Variants in BOD1L2 observed in about 807,000 individuals in gnomAD.
BOD1L2 encodes biorientation of chromosomes in cell division 1 like 2, also known as biorientation of chromosomes in cell division protein 1-like 2.
BOD1L2 carries 6 observed loss-of-function variants against 5.3 expected under a neutral mutation model. That is an observed-to-expected ratio of 1.14 (90% CI 0.62 to 2.25). The LOEUF is 2.25. Among genes scored for constraint, BOD1L2 ranks in the 30% most tolerant of loss-of-function variants. The pLI is 0.00. For synonymous variants in BOD1L2, 96 were observed against 96.3 expected, an observed-to-expected ratio of 1.00 and a Z score of 0.02; for missense variants, 210 against 227.2, an observed-to-expected ratio of 0.92 and a Z score of 0.49.
At position 57,147,822 on chromosome 18, in the gene BOD1L2, C is replaced by G. The variant is rs774958470; in HGVS notation, c.510C>G (p.Asp170Glu). 19 of 1,607,340 alleles carry G rather than the reference C, an allele frequency of 1.2e-5. No homozygotes were observed. The highest frequency in any genetic ancestry group is 1.5e-5 in the Non-Finnish European group (18 of 1,176,810). Reference protein sequence around the residue: ...EGQDPPAPSQDTS With the variant: ...EGQDPPAPSQETS Reference sequence around the variant, plus strand: ...AGGACCCTCCAGCTCCGTCTCAGGACACTTCCTAAGAATATGCCTGACAGC... The same window carrying G: ...AGGACCCTCCAGCTCCGTCTCAGGAGACTTCCTAAGAATATGCCTGACAGC... Residue 170 changes from aspartate to glutamate, a missense_variant, in exon 1 of 1, where the codon GAC becomes GAG. Asp to Glu is a conservative substitution (Grantham distance 45, BLOSUM62 2). Transcript: ENST00000585477.
At position 57,147,463 on chromosome 18, in the gene BOD1L2, C is replaced by T; in HGVS notation, c.151C>T (p.Leu51Phe). ...CGTGGGGCAGCTCAAGAGCAGGGGC[C>T]TTTTTGACAGCTTCCGCCGGGACTG... ...IIVGQLKSRG[L>F]FDSFRRDCKA... is the part of the protein sequence containing the mutation. Residue 51 changes from leucine to phenylalanine, a missense_variant, in exon 1 of 1, where the codon CTT becomes TTT. Leu to Phe is a conservative substitution (Grantham distance 22). Coordinates refer to ENST00000585477, the MANE Select transcript of BOD1L2 (RefSeq NM_001257964.2). 1 of 1,556,772 alleles carries T rather than the reference C, an allele frequency of 6.4e-7. No individual in the cohort carries two copies. The highest frequency in any genetic ancestry group is 8.7e-7 in the Non-Finnish European group (1 of 1,153,770).
rs1255715064 is a variant in BOD1L2 at position 57,148,541 on chromosome 18, C to T, written c.*710C>T. The T allele has an allele frequency of 6.6e-6, 1 of 152,210 alleles. No homozygotes were observed. Among genetic ancestry groups the T allele is most frequent in the African/African-American group, 2.4e-5 (1 of 41,446 alleles). 9.4% of individuals were successfully genotyped at this position (152,210 alleles called of 1,614,324 possible). A position where few individuals can be genotyped will look rare whatever the true frequency, so the allele number is the denominator to read the frequency against. ...GAGTCTTGGGTGTGTTTATGTTATG[C>T]TCACATTTGTGTTTTATTTGAAAAG... On this transcript the variant is annotated 3_prime_UTR_variant, in exon 1 of 1. Transcript: ENST00000585477.
Position 57,149,771 on chromosome 18 carries a change from A to T in BOD1L2, c.*1940A>T, listed in dbSNP as rs1402356840. The T allele has an allele frequency of 6.6e-6, 1 of 152,208 alleles. No individual in the cohort carries two copies. Among genetic ancestry groups the T allele is most frequent in the African/African-American group, 2.4e-5 (1 of 41,446 alleles). The allele number at this position is 152,208 out of a possible 1,614,324, so 9.4% of individuals were successfully genotyped here. ...TACAAAAACAGCTAAGCTCTTTCTG[A>T]GATTTAAAATCACTCCATCTGAGAC... On this transcript the variant is annotated 3_prime_UTR_variant, in exon 1 of 1. Transcript: ENST00000585477.
At position 57,147,479 on chromosome 18, in the gene BOD1L2, G is replaced by T; in HGVS notation, c.167G>T (p.Arg56Leu). ...AGCAGGGGCCTTTTTGACAGCTTCC[G>T]CCGGGACTGCAAGGCTGACGTGGAC... Reference protein sequence around the residue: ...LKSRGLFDSFRRDCKADVDTK... With the variant: ...LKSRGLFDSFLRDCKADVDTK... The change falls in exon 1 of 1, where the codon CGC (arginine) becomes CTC (leucine). Residue 56 changes from arginine to leucine, a missense_variant. Coordinates refer to ENST00000585477, the MANE Select transcript of BOD1L2 (RefSeq NM_001257964.2). The T allele has an allele frequency of 3.2e-6, 5 of 1,568,992 alleles. No homozygotes were observed. The highest frequency in any genetic ancestry group is 4.3e-6 in the Non-Finnish European group (5 of 1,159,292).
At position 57,149,589 on chromosome 18, in the gene BOD1L2, C is replaced by T. The variant is rs1221006852; in HGVS notation, c.*1758C>T. ...CATGTCCTTTCTGAAAATGTCCCTT[C>T]CTTTCCCAGGTACCAGGCTCTTTTT... On this transcript the variant is annotated 3_prime_UTR_variant, in exon 1 of 1. Coordinates refer to ENST00000585477, the MANE Select transcript of BOD1L2 (RefSeq NM_001257964.2). 6.6e-6 allele frequency: 1 copy of T among 152,198 alleles called. No individual in the cohort carries two copies. Among genetic ancestry groups the T allele is most frequent in the African/African-American group, 2.4e-5 (1 of 41,450 alleles). 9.4% of individuals were successfully genotyped at this position (152,198 alleles called of 1,614,324 possible). A position where few individuals can be genotyped will look rare whatever the true frequency, so the allele number is the denominator to read the frequency against.
rs1208695850 is a variant in BOD1L2, at chr18:57,148,132, A to G, written c.*301A>G. ...GACCCAGGATTGTCCTGAAACAGACATCTATACTTGAACATGGAGACTGCA... is the reference window on the plus strand; with the variant it reads ...GACCCAGGATTGTCCTGAAACAGACGTCTATACTTGAACATGGAGACTGCA... On this transcript the variant is annotated 3_prime_UTR_variant, in exon 1 of 1. Transcript: ENST00000585477. The G allele has an allele frequency of 3.6e-6, 1 of 278,282 alleles. No individual in the cohort carries two copies. Among genetic ancestry groups the G allele is most frequent in the Non-Finnish European group, 6.9e-6 (1 of 145,746 alleles). The allele number at this position is 278,282 out of a possible 1,614,324, so 17.2% of individuals were successfully genotyped here. A position where few individuals can be genotyped will look rare whatever the true frequency, so the allele number is the denominator to read the frequency against.
At position 57,148,963 on chromosome 18, in the gene BOD1L2, G is replaced by A. The variant is rs9956688; in HGVS notation, c.*1132G>A. ...CACACTTACTATAGTAGCTAGGTCTGACGAAGCACTTGCTCTATTGCTCTA... is the reference window on the plus strand; with the variant it reads ...CACACTTACTATAGTAGCTAGGTCTAACGAAGCACTTGCTCTATTGCTCTA... On this transcript the variant is annotated 3_prime_UTR_variant, in exon 1 of 1. Coordinates refer to ENST00000585477, the MANE Select transcript of BOD1L2 (RefSeq NM_001257964.2). 43,095 of 152,182 alleles carry A rather than the reference G, an allele frequency of 0.28. 6,284 individuals are homozygous for A. The highest frequency in any genetic ancestry group is 0.35 in the South Asian group (1,690 of 4,830). 9.4% of individuals were successfully genotyped at this position (152,182 alleles called of 1,614,324 possible).
Position 57,148,475 on chromosome 18 carries a change from ACT to A in BOD1L2, c.*649_*650del, listed in dbSNP as rs16743. The A allele has an allele frequency of 0.21, 31,950 of 152,014 alleles. 3,537 individuals are homozygous for A. The highest frequency in any genetic ancestry group is 0.28 in the South Asian group (1,364 of 4,812). The allele number at this position is 152,014 out of a possible 1,614,324, so 9.4% of individuals were successfully genotyped here. A position where few individuals can be genotyped will look rare whatever the true frequency, so the allele number is the denominator to read the frequency against. On this transcript the variant is annotated 3_prime_UTR_variant, in exon 1 of 1. Transcript: ENST00000585477. ...TAGGTATAAGGAAACTCATTTGCAG[ACT>A]CTCTGTCCAAGAATGCTTCCTGTCT... is the stretch of plus-strand genomic sequence containing the variant.
At position 57,148,009 on chromosome 18, in the gene BOD1L2, A is replaced by G; in HGVS notation, c.*178A>G. On this transcript the variant is annotated 3_prime_UTR_variant, in exon 1 of 1. Coordinates refer to ENST00000585477, the MANE Select transcript of BOD1L2 (RefSeq NM_001257964.2). ...AGGGAAGCAAGTTCGCCAGAGAGAAAGTTGACCGTGGCACCCTCCTGCATT... is the reference window on the plus strand; with the variant it reads ...AGGGAAGCAAGTTCGCCAGAGAGAAGGTTGACCGTGGCACCCTCCTGCATT... The G allele has an allele frequency of 1.4e-6, 1 of 730,656 alleles. No individual in the cohort carries two copies. The highest frequency in any genetic ancestry group is 3.0e-5 in the Admixed American group (1 of 32,898). 45.3% of individuals were successfully genotyped at this position (730,656 alleles called of 1,614,324 possible).
chr18:57,147,367 G>A lies in BOD1L2; in HGVS notation c.55G>A (p.Ala19Thr), dbSNP rs1416069824. The A allele has an allele frequency of 6.6e-7, 1 of 1,506,578 alleles. No individual in the cohort carries two copies. 93.3% of individuals were successfully genotyped at this position (1,506,578 alleles called of 1,614,324 possible). A position where few individuals can be genotyped will look rare whatever the true frequency, so the allele number is the denominator to read the frequency against. The change falls in exon 1 of 1, where the codon GCC (alanine) becomes ACC (threonine). Residue 19 changes from alanine to threonine, a missense_variant. Physicochemically the swap from Ala to Thr is moderately conservative, Grantham distance 58 (BLOSUM62 0). Coordinates refer to ENST00000585477, the MANE Select transcript of BOD1L2 (RefSeq NM_001257964.2). ...CGGTGCGGGCCCGGCCTCGACCCGG[G>A]CCAGCGGGGGCGGCGGCCCCATCAA... is the stretch of plus-strand genomic sequence containing the variant. Reference protein sequence around the residue: ...SGGAGPASTRASGGGGPINPA... With the variant: ...SGGAGPASTRTSGGGGPINPA...
In BOD1L2 at chr18:57,148,790, C is replaced by T. The variant is rs188051558; in HGVS notation, c.*959C>T. 1.3e-5 allele frequency: 2 copies of T among 152,372 alleles called. No homozygotes were observed. Among genetic ancestry groups the T allele is most frequent in the Admixed American group, 1.3e-4 (2 of 15,304 alleles). The allele number at this position is 152,372 out of a possible 1,614,324, so 9.4% of individuals were successfully genotyped here. On this transcript the variant is annotated 3_prime_UTR_variant, in exon 1 of 1. Transcript: ENST00000585477. ...ACCATGCCCATGACTATCCTGGACA[C>T]CCTGTGTTCCCTCTGCTCACTGTGA...
Position 57,147,561 on chromosome 18 carries a change from T to C in BOD1L2, c.249T>C (p.His83=). 1 of 1,612,364 alleles carries C rather than the reference T, an allele frequency of 6.2e-7. No individual in the cohort carries two copies. Among genetic ancestry groups the C allele is most frequent in the African/African-American group, 1.3e-5 (1 of 74,962 alleles). The change falls in exon 1 of 1, where the codon CAT becomes CAC. Residue 83 remains histidine, a synonymous_variant. Coordinates refer to ENST00000585477, the MANE Select transcript of BOD1L2 (RefSeq NM_001257964.2). The part of the protein sequence containing the change: ...SQKADNFVST[H]LDKQEWNPPA... ...AAGCGGATAATTTTGTGTCGACACA[T>C]CTGGACAAGCAGGAATGGAATCCTC...
chr18:57,147,293 T>C lies in BOD1L2; in HGVS notation c.-20T>C. The C allele has an allele frequency of 8.6e-7, 1 of 1,158,332 alleles. No individual in the cohort carries two copies. Among genetic ancestry groups the C allele is most frequent in the Non-Finnish European group, 1.1e-6 (1 of 943,736 alleles). The allele number at this position is 1,158,332 out of a possible 1,614,324, so 71.8% of individuals were successfully genotyped here. ...GAGAAGAAGCTATAATCGGTTTCCT[T>C]GTGGGCCCGGTGCGCAGCCATGGCG... On this transcript the variant is annotated 5_prime_UTR_variant, in exon 1 of 1. Coordinates refer to ENST00000585477, the MANE Select transcript of BOD1L2 (RefSeq NM_001257964.2).
rs1459575767 is a variant in BOD1L2, at chr18:57,148,801, C to G, written c.*970C>G. ...GACTATCCTGGACACCCTGTGTTCC[C>G]TCTGCTCACTGTGAAGGGAATGCCC... On this transcript the variant is annotated 3_prime_UTR_variant, in exon 1 of 1. Coordinates refer to ENST00000585477, the MANE Select transcript of BOD1L2 (RefSeq NM_001257964.2). 2 of 152,220 alleles carry G rather than the reference C, an allele frequency of 1.3e-5. No homozygotes were observed. The highest frequency in any genetic ancestry group is 4.8e-5 in the African/African-American group (2 of 41,424). The allele number at this position is 152,220 out of a possible 1,614,324, so 9.4% of individuals were successfully genotyped here. A position where few individuals can be genotyped will look rare whatever the true frequency, so the allele number is the denominator to read the frequency against.
rs2048929974 is a variant in BOD1L2, at chr18:57,147,548, T to C, written c.236T>C (p.Phe79Ser). The C allele has an allele frequency of 6.2e-7, 1 of 1,610,638 alleles. No individual in the cohort carries two copies. Among genetic ancestry groups the C allele is most frequent in the Admixed American group, 1.7e-5 (1 of 59,636 alleles). Residue 79 changes from phenylalanine (F) to serine (S), a missense_variant, in exon 1 of 1, where the codon TTT becomes TCT. Coordinates refer to ENST00000585477, the MANE Select transcript of BOD1L2 (RefSeq NM_001257964.2). ...AACCTGAGCCAGAAAGCGGATAATT[T>C]TGTGTCGACACATCTGGACAAGCAG... The part of the protein sequence containing the change: ...YQNLSQKADN[F>S]VSTHLDKQEW...
In BOD1L2 at chr18:57,147,614, G is replaced by GTC. The variant is rs766544152; in HGVS notation, c.304_305dup (p.Arg103Ter). The stretch of plus-strand genomic sequence containing the variant: ...GCAAACGACAACCAACTGCACGATG[G>GTC]TCTGAGGCAGAGTGTGGTTCAGTCA... On this transcript the variant is annotated frameshift_variant, in exon 1 of 1. Transcript: ENST00000585477. LOFTEE classifies it high-confidence loss of function. 1.9e-6 allele frequency: 3 copies of GTC among 1,613,252 alleles called. No individual in the cohort carries two copies. Among genetic ancestry groups the GTC allele is most frequent in the Non-Finnish European group, 2.5e-6 (3 of 1,180,042 alleles).
Position 57,147,883 on chromosome 18 carries a change from G to T in BOD1L2, c.*52G>T. Reference sequence around the variant, plus strand: ...GCTATTTAATTTTTGGTGAAGAAATGGATTCGGTTACATAAGAGTGCAGTT... The same window carrying T: ...GCTATTTAATTTTTGGTGAAGAAATTGATTCGGTTACATAAGAGTGCAGTT... On this transcript the variant is annotated 3_prime_UTR_variant, in exon 1 of 1. Transcript: ENST00000585477. The T allele has an allele frequency of 1.3e-6, 2 of 1,515,788 alleles. No homozygotes were observed. Among genetic ancestry groups the T allele is most frequent in the Non-Finnish European group, 1.8e-6 (2 of 1,126,912 alleles). The allele number at this position is 1,515,788 out of a possible 1,614,324, so 93.9% of individuals were successfully genotyped here.
chr18:57,147,090 C>A lies in BOD1L2; in HGVS notation c.-223C>A. On this transcript the variant is annotated 5_prime_UTR_variant, in exon 1 of 1. Transcript: ENST00000585477. ...TGGAGCGCGCTTGGAATCCAGCAGG[C>A]GGTTGCTGCCGCGTCTTCCACAACC... The A allele has an allele frequency of 4.4e-6, 2 of 452,372 alleles. No individual in the cohort carries two copies. The highest frequency in any genetic ancestry group is 6.1e-6 in the Non-Finnish European group (2 of 325,942). The allele number at this position is 452,372 out of a possible 1,614,324, so 28.0% of individuals were successfully genotyped here. A position where few individuals can be genotyped will look rare whatever the true frequency, so the allele number is the denominator to read the frequency against.
rs774910827 is a variant in BOD1L2 at position 57,147,623 on chromosome 18, A to G, written c.311A>G (p.Gln104Arg). ...AACCAACTGCACGATGGTCTGAGGC[A>G]GAGTGTGGTTCAGTCAGGGAGGTCA... ...NDNQLHDGLR[Q>R]SVVQSGRSEA... The change falls in exon 1 of 1, where the codon CAG becomes CGG. Residue 104 changes from glutamine to arginine, a missense_variant. Gln to Arg is a conservative substitution (Grantham distance 43). Transcript: ENST00000585477. The G allele has an allele frequency of 2.5e-6, 4 of 1,613,180 alleles. No individual in the cohort carries two copies. The East Asian group carries it at 8.9e-5, about 36-fold the overall frequency.
Sources: gnomAD v4.1 joint callset for allele counts on GRCh38, gnomAD v4.1.1 for gene constraint, MANE v1.5 for transcripts, NCBI Gene and HGNC (gene_info 2026-07-23, HGNC 2026-07-21) for gene names.